Variants in DMXL1 observed in about 807,000 individuals in gnomAD.
DMXL1 encodes dmX-like protein 1.
A neutral mutation model predicts 319.2 loss-of-function variants in DMXL1; 99 were observed. The observed-to-expected ratio is 0.31, with a 90% CI of 0.26 to 0.37. The LOEUF is 0.37. Among genes scored for constraint, DMXL1 ranks in the 10% least tolerant of loss-of-function variants. The pLI is 1.00. For synonymous variants in DMXL1, 1,385 were observed against 1,235.2 expected, an observed-to-expected ratio of 1.12 and a Z score of -2.54; for missense variants, 3,745 against 3,595.6, an observed-to-expected ratio of 1.04 and a Z score of -1.06.
At chr5:119,221,203 G>A (rs565241761) in intron 37 of DMXL1, 122 bp downstream of exon 37, 4 of 620,946 alleles carry the variant, frequency 6.4e-6, no homozygotes, top group Non-Finnish European at 1.0e-5. Flanking sequence ...AGTCTTACAT[G>A]TTGGAAATTG....
chr5:119,137,897 A>T (rs923686892), intron 13 of DMXL1, among the ~76,000 whole-genome samples: 5 of 152,202 alleles, frequency 3.3e-5, no homozygotes, highest in Non-Finnish European at 7.3e-5. Flanking sequence ...AGAGCATGTG[A>T]GGTGGAAAAT....
Position 119,196,447 on chromosome 5 carries a change from G to C in DMXL1, c.7534G>C (p.Asp2512His), listed in dbSNP as rs760698723. Residue 2512 changes from aspartate to histidine, a missense_variant, in exon 31 of 44, where the codon GAT (aspartate) becomes CAT (histidine). Around this residue, in one of 4 missense-constraint regions of DMXL1, gnomAD observed 1,382 missense variants for 1,269.5 expected, o/e 1.09. Transcript: ENST00000539542. Reference sequence around the variant, plus strand: ...GACTTTTTATCCCTTCGCAGGTCATGATCTTGCAGGTAATAAATAGCTCAA... The same window carrying C: ...GACTTTTTATCCCTTCGCAGGTCATCATCTTGCAGGTAATAAATAGCTCAA... The part of the protein sequence containing the change: ...LKTFYPFAGH[D>H]LAELPVSSPL... 19 of 1,606,334 alleles carry C rather than the reference G, an allele frequency of 1.2e-5. No homozygotes were observed. Among genetic ancestry groups the C allele is most frequent in the Admixed American group, 1.2e-4 (7 of 59,704 alleles).
At chr5:119,110,954 A>G (rs982727997) in intron 5 of DMXL1, among the ~76,000 whole-genome samples, 2 of 152,064 alleles carry the variant, frequency 1.3e-5, no homozygotes, top group Non-Finnish European at 2.9e-5. Flanking sequence ...ACATCTGGCT[A>G]ATTTTTGTAT....
intron 34 of DMXL1, among the ~76,000 whole-genome samples, chr5:119,216,094 CAAAAAAAAA>C (rs773591355): frequency 6.7e-4 from 25 of 37,360 alleles, no homozygotes; most frequent in Admixed American, 1.6e-3. Context: ...GCATCCATCT[CAAAAAAAAA>C]AAAAAAAAAA....
At chr5:119,145,614 T>C (rs538930185) in intron 15 of DMXL1, among the ~76,000 whole-genome samples, 52 of 151,880 alleles carry the variant, frequency 3.4e-4, no homozygotes, top group African/African-American at 1.2e-3. Flanking sequence ...TTTAAAACTT[T>C]TAAAAGAAGT....
At chr5:119,147,789 A>G (rs188267615) in intron 17 of DMXL1, among the ~76,000 whole-genome samples, 5 of 152,306 alleles carry the variant, frequency 3.3e-5, no homozygotes, top group African/African-American at 9.6e-5. Context: ...GGTATTGGCA[A>G]TAGCTGCCTG....
chr5:119,209,673 G>T (rs1782396561), intron 34 of DMXL1, among the ~76,000 whole-genome samples: 1 of 151,994 alleles, frequency 6.6e-6, no homozygotes, highest in Non-Finnish European at 1.5e-5. Context: ...ACCAACAGTT[G>T]GTGTGTAGTC....
At position 119,170,176 on chromosome 5, in the gene DMXL1, GA is replaced by G. The variant is rs753659173; in HGVS notation, c.5399-12del. On this transcript the variant is annotated splice_polypyrimidine_tract_variant and intron_variant, in intron 23 of 43. Transcript: ENST00000539542. ...CATAACTTTTCTTGGCTCATAAAAT[GA>G]ATTTACTTTCAGATCAAGTTTTATC... 6.3e-7 allele frequency: 1 copy of G among 1,578,184 alleles called. No individual in the cohort carries two copies. Among genetic ancestry groups the G allele is most frequent in the South Asian group, 1.2e-5 (1 of 84,008 alleles).
chr5:119,241,326 T>TCTA lies in DMXL1; in HGVS notation c.8704+856_8704+858dup, dbSNP rs1252160731. 7.9e-5 allele frequency among the ~76,000 whole-genome samples: 12 copies of TCTA among 152,020 alleles called. No individual in the cohort carries two copies. The South Asian group carries it at 2.5e-3, about 32-fold the overall frequency. The stretch of plus-strand genomic sequence containing the variant: ...GCGGGTGGATCACGAGGTCAGGAGA[T>TCTA]CTAGACAATCCTGGCTAACACGGTG... On this transcript the variant is annotated intron_variant, in intron 42 of 43. Transcript: ENST00000539542.
At chr5:119,072,420 A>C (rs1383607553) in intron 1 of DMXL1, among the ~76,000 whole-genome samples, 1 of 152,186 alleles carries the variant, frequency 6.6e-6, no homozygotes, top group Non-Finnish European at 1.5e-5. Flanking sequence ...ACTTTTATCT[A>C]CATAAATTTA....
At chr5:119,111,984 G>A (rs1191547237) in intron 5 of DMXL1, among the ~76,000 whole-genome samples, 2 of 150,754 alleles carry the variant, frequency 1.3e-5, no homozygotes, top group South Asian at 2.1e-4. Flanking sequence ...TTTTTGAGAC[G>A]AAGTCTCGCT....
chr5:119,187,298 A>G (rs968892107), intron 28 of DMXL1, among the ~76,000 whole-genome samples: 33 of 152,304 alleles, frequency 2.2e-4, no homozygotes, highest in African/African-American at 7.7e-4. Flanking sequence ...CGGTTTTCCC[A>G]TAATAGTAGA....
At chr5:119,224,449 T>C (rs1287292076) in intron 37 of DMXL1, among the ~76,000 whole-genome samples, 1 of 152,020 alleles carries the variant, frequency 6.6e-6, no homozygotes, top group Non-Finnish European at 1.5e-5. Flanking sequence ...CAGAAAAGAA[T>C]TGACAAGAAA....
At chr5:119,124,418 C>G (rs1280393442) in intron 9 of DMXL1, among the ~76,000 whole-genome samples, 2 of 152,040 alleles carry the variant, frequency 1.3e-5, no homozygotes, top group African/African-American at 4.8e-5. Context: ...GGAACCTCAA[C>G]TTCAGTCTTA....
At chr5:119,172,318 C>T (rs142675973) in intron 25 of DMXL1, among the ~76,000 whole-genome samples, 3,719 of 152,172 alleles carry the variant, frequency 0.024, 63 homozygotes, top group Non-Finnish European at 0.035. Flanking sequence ...AATGTAAAGG[C>T]ACTAATATGT....
chr5:119,244,762 A>C (rs1789443165), intron 43 of DMXL1, among the ~76,000 whole-genome samples, 186 bp downstream of exon 43: 1 of 152,176 alleles, frequency 6.6e-6, no homozygotes, highest in South Asian at 2.1e-4. Context: ...TCTATTTTTC[A>C]GTTGTTTGAA....
At position 119,244,402 on chromosome 5, in the gene DMXL1, T is replaced by A. The variant is rs747609425; in HGVS notation, c.8748T>A (p.Ala2916=). 3 of 1,614,118 alleles carry A rather than the reference T, an allele frequency of 1.9e-6. No homozygotes were observed. The Admixed American group carries it at 5.0e-5, about 27-fold the overall frequency. Residue 2916 remains alanine, a synonymous_variant, in exon 43 of 44, where the codon GCT becomes GCA. Transcript: ENST00000539542. ...HDSGATVLAY[A]PKHQLLISGG... ...GTGGAGCCACAGTTTTAGCATATGC[T>A]CCAAAACATCAGCTACTAATATCAG...
intron 34 of DMXL1, among the ~76,000 whole-genome samples, chr5:119,210,863 G>A (rs1340333652): frequency 2.7e-5 from 4 of 146,026 alleles, no homozygotes; most frequent in African/African-American, 1.0e-4. Flanking sequence ...TCTGATCTTG[G>A]GGAAAGCAGT....
intron 30 of DMXL1, 111 bp downstream of exon 30, chr5:119,194,081 A>G (rs1006505993): frequency 2.9e-6 from 2 of 701,344 alleles, no homozygotes; most frequent in Non-Finnish European, 4.2e-6. Context: ...ATAACACATT[A>G]TAACCCAGAT....
Sources: gnomAD v4.1 joint callset for allele counts (sites outside exome capture counted in the v4.1 genomes callset) on GRCh38, gnomAD v4.1.1 for gene constraint, gnomAD v4.1.1 regional missense constraint, MANE v1.5 for transcripts, NCBI Gene and HGNC (gene_info 2026-07-23, HGNC 2026-07-21) for gene names.